Variants in PLXDC2 observed in about 807,000 individuals in gnomAD.
The protein encoded by PLXDC2 is plexin domain containing 2.
A neutral mutation model predicts 68.9 loss-of-function variants in PLXDC2; 40 were observed. The observed-to-expected ratio is 0.58, with a 90% CI of 0.45 to 0.76. The LOEUF is 0.76. Among genes scored for constraint, PLXDC2 ranks in the 30% least tolerant of loss-of-function variants. The pLI, the probability that PLXDC2 is intolerant of heterozygous loss-of-function variation, is 0.00. For synonymous variants in PLXDC2, 243 were observed against 234.2 expected (o/e 1.04, Z -0.34); for missense variants, 644 against 661.9 (o/e 0.97, Z 0.30).
At chr10:19,992,988 C>A (rs141380951) in intron 1 of PLXDC2, among the ~76,000 whole-genome samples, 1 of 152,242 alleles carries the variant, frequency 6.6e-6, no homozygotes, top group East Asian at 1.9e-4. Flanking sequence ...TAAGACCTAG[C>A]CTCACGACTC....
intron 1 of PLXDC2, among the ~76,000 whole-genome samples, chr10:19,896,095 T>A (rs946487297): frequency 6.6e-6 from 1 of 152,170 alleles, no homozygotes; most frequent in Non-Finnish European, 1.5e-5. Context: ...ACTCCTCTTC[T>A]CTTGATCTGC....
intron 13 of PLXDC2, among the ~76,000 whole-genome samples, chr10:20,252,041 A>G (rs574885906): frequency 6.6e-6 from 1 of 152,314 alleles, no homozygotes; most frequent in East Asian, 1.9e-4. Flanking sequence ...AGTTCAAATG[A>G]TTAATTTAAA....
intron 1 of PLXDC2, among the ~76,000 whole-genome samples, chr10:19,860,330 G>C (rs1343137276): frequency 6.6e-6 from 1 of 152,192 alleles, no homozygotes; most frequent in African/African-American, 2.4e-5. Flanking sequence ...CCAGTCCAGT[G>C]TGCTTGCCAT....
At chr10:20,236,375 G>A (rs573625155) in intron 12 of PLXDC2, among the ~76,000 whole-genome samples, 10 of 151,742 alleles carry the variant, frequency 6.6e-5, no homozygotes, top group Non-Finnish European at 1.5e-4. Flanking sequence ...AACCCAGGAG[G>A]TGGAGGTTGC....
intron 2 of PLXDC2, among the ~76,000 whole-genome samples, chr10:20,044,217 CTTTCTT>C (rs1835745120): frequency 2.2e-4 from 3 of 13,600 alleles, no homozygotes; most frequent in African/African-American, 1.5e-3. Context: ...CTCTGTCTTT[CTTTCTT>C]TCTTTCTTTC....
intron 4 of PLXDC2, among the ~76,000 whole-genome samples, chr10:20,116,941 T>C (rs936153802): frequency 6.6e-6 from 1 of 151,660 alleles, no homozygotes; most frequent in Non-Finnish European, 1.5e-5. Context: ...GTTAAAATAA[T>C]GCACAATGAA....
At chr10:20,176,838 G>A (rs533984137) in intron 7 of PLXDC2, among the ~76,000 whole-genome samples, 161 bp from the exon 8 acceptor site, 4 of 152,078 alleles carry the variant, frequency 2.6e-5, no homozygotes, top group Admixed American at 1.3e-4. Context: ...TACTTGACAT[G>A]TGATTTTTAC....
chr10:20,218,441 T>C (rs1386682009), intron 11 of PLXDC2, among the ~76,000 whole-genome samples: 1 of 152,194 alleles, frequency 6.6e-6, no homozygotes, highest in African/African-American at 2.4e-5. Flanking sequence ...AGCAACATTA[T>C]CTTTTAATCC....
At chr10:19,962,925 G>A (rs1482137147) in intron 1 of PLXDC2, among the ~76,000 whole-genome samples, 2 of 147,540 alleles carry the variant, frequency 1.4e-5, no homozygotes, top group African/African-American at 5.0e-5. Flanking sequence ...GGGAGGCAGA[G>A]CTTGCAGTGA....
At position 20,002,015 on chromosome 10, in the gene PLXDC2, G is replaced by A; in HGVS notation, c.324+29G>A. ...GATAAATAGTCTGGGTAATTGAAAT[G>A]GATTAATGAATTTATTTCATGTAGG... On this transcript the variant is annotated intron_variant, in intron 2 of 13. Transcript: ENST00000377252. 3.2e-6 allele frequency: 5 copies of A among 1,586,852 alleles called. No homozygotes were observed. In the South Asian group the frequency reaches 5.6e-5, roughly 18 times the overall value.
At chr10:19,919,662 C>T (rs1833426920) in intron 1 of PLXDC2, among the ~76,000 whole-genome samples, 3 of 152,128 alleles carry the variant, frequency 2.0e-5, no homozygotes, top group Admixed American at 6.5e-5. Context: ...TTGATATATA[C>T]CTGCAGCTGA....
intron 1 of PLXDC2, among the ~76,000 whole-genome samples, chr10:19,887,679 G>A (rs1837874533): frequency 6.6e-6 from 1 of 152,152 alleles, no homozygotes; most frequent in Non-Finnish European, 1.5e-5. Flanking sequence ...AAATCTAAAT[G>A]TATTTCCTGT....
At chr10:19,976,837 A>T (rs1333713685) in intron 1 of PLXDC2, among the ~76,000 whole-genome samples, 105 of 119,648 alleles carry the variant, frequency 8.8e-4, no homozygotes, top group African/African-American at 1.2e-3. Flanking sequence ...TTTTTTTTTC[A>T]TTTTCTTGTC....
At chr10:19,936,404 T>C (rs1048793620) in intron 1 of PLXDC2, among the ~76,000 whole-genome samples, 1 of 152,232 alleles carries the variant, frequency 6.6e-6, no homozygotes, top group Non-Finnish European at 1.5e-5. Flanking sequence ...CTGTTGCTAC[T>C]AGTCAAATCT....
chr10:19,900,661 A>G (rs1372194155), intron 1 of PLXDC2, among the ~76,000 whole-genome samples: 4 of 151,834 alleles, frequency 2.6e-5, no homozygotes, highest in African/African-American at 4.8e-5. Context: ...GGTTACATGC[A>G]TAAGTTCTTT....
chr10:19,862,881 G>T (rs1005821183), intron 1 of PLXDC2, among the ~76,000 whole-genome samples: 5 of 152,182 alleles, frequency 3.3e-5, no homozygotes, highest in African/African-American at 1.2e-4. Flanking sequence ...GTGTGGAGGT[G>T]AGTTCTGTGG....
At chr10:20,255,926 T>G (rs1835736091) in intron 13 of PLXDC2, among the ~76,000 whole-genome samples, 2 of 152,114 alleles carry the variant, frequency 1.3e-5, no homozygotes. Context: ...AAGTAAATTT[T>G]AATGCAAAAT....
chr10:19,996,611 G>A (rs12782102), intron 1 of PLXDC2, among the ~76,000 whole-genome samples: 11,633 of 152,054 alleles, frequency 0.077, 539 homozygotes, highest in South Asian at 0.15. Context: ...AAACAAACAG[G>A]CTAGGAAGCC....
chr10:19,892,840 C>G (rs1350626676), intron 1 of PLXDC2, among the ~76,000 whole-genome samples: 1 of 151,662 alleles, frequency 6.6e-6, no homozygotes, highest in African/African-American at 2.4e-5. Context: ...AAATAAAACC[C>G]TTAGTATACA....
Sources: gnomAD v4.1 joint callset for allele counts (sites outside exome capture counted in the v4.1 genomes callset) on GRCh38, gnomAD v4.1.1 for gene constraint, MANE v1.5 for transcripts, NCBI Gene and HGNC (gene_info 2026-07-23, HGNC 2026-07-21) for gene names.